CSMD1: variants seen among roughly 807,000 people sequenced by gnomAD.
CSMD1 encodes the protein CUB and sushi domain-containing protein 1.
A neutral mutation model predicts 417.5 loss-of-function variants in CSMD1; 213 were observed. The ratio of observed to expected loss-of-function variants is 0.51; its 90% CI spans 0.46 to 0.57. The LOEUF (loss-of-function observed/expected upper bound fraction) is 0.57, where lower values mean the gene tolerates loss of function less well. Among genes scored for constraint, CSMD1 ranks in the 20% least tolerant of loss-of-function variants. CSMD1 has a pLI of 0.00. For synonymous variants in CSMD1, 2,862 were observed against 1,736.8 expected (o/e 1.65, Z -16.11); for missense variants, 6,923 against 4,529.7 (o/e 1.53, Z -15.17).
chr8:4,417,713 T>C (rs1797022123), intron 3 of CSMD1, among the ~76,000 whole-genome samples: 1 of 152,002 alleles, frequency 6.6e-6, no homozygotes, highest in African/African-American at 2.4e-5. Context: ...AAATCTGAGG[T>C]ATCAGAAAGA....
intron 2 of CSMD1, among the ~76,000 whole-genome samples, chr8:4,631,524 T>G (rs999651954): frequency 7.2e-5 from 11 of 152,130 alleles, no homozygotes; most frequent in African/African-American, 2.7e-4. Context: ...GATCCTAATG[T>G]AATTGAGACC....
At chr8:3,676,215 G>C (rs563908701) in intron 7 of CSMD1, among the ~76,000 whole-genome samples, 7 of 152,064 alleles carry the variant, frequency 4.6e-5, no homozygotes, top group Admixed American at 3.3e-4. Context: ...ATTATGTGTT[G>C]AAGTAAATAC....
chr8:3,247,202 T>C (rs927171306), intron 26 of CSMD1, among the ~76,000 whole-genome samples: 6 of 152,150 alleles, frequency 3.9e-5, no homozygotes, highest in African/African-American at 1.4e-4. Flanking sequence ...TGATTTGATA[T>C]GTAAAAGTCC....
intron 10 of CSMD1, among the ~76,000 whole-genome samples, chr8:3,533,350 C>G (rs1798058263): frequency 6.6e-6 from 1 of 152,142 alleles, no homozygotes; most frequent in Non-Finnish European, 1.5e-5. Flanking sequence ...ACTTATTCAT[C>G]TTACATAAGA....
chr8:4,809,578 C>T (rs1011304975), intron 1 of CSMD1, among the ~76,000 whole-genome samples: 4 of 152,296 alleles, frequency 2.6e-5, no homozygotes, highest in South Asian at 2.1e-4. Flanking sequence ...GCTCTACTCC[C>T]TACAGCTAGA....
chr8:4,781,031 G>C (rs891216133), intron 1 of CSMD1, among the ~76,000 whole-genome samples: 1 of 152,116 alleles, frequency 6.6e-6, no homozygotes, highest in Non-Finnish European at 1.5e-5. Context: ...CCTGCAAATA[G>C]CTTTTCCTGC....
intron 5 of CSMD1, among the ~76,000 whole-genome samples, chr8:3,889,651 G>C (rs1415430010): frequency 2.0e-5 from 3 of 151,116 alleles, no homozygotes; most frequent in African/African-American, 2.4e-5. Flanking sequence ...GATACTGGAA[G>C]TTGGTCCTAT....
At chr8:3,277,078 C>T (rs1413159764) in intron 26 of CSMD1, among the ~76,000 whole-genome samples, 1 of 152,094 alleles carries the variant, frequency 6.6e-6, no homozygotes, top group Admixed American at 6.6e-5. Flanking sequence ...AAGGTCAGTC[C>T]AGTGTGTAAC....
intron 26 of CSMD1, among the ~76,000 whole-genome samples, chr8:3,274,878 G>C (rs1010469389): frequency 6.6e-6 from 1 of 152,074 alleles, no homozygotes; most frequent in East Asian, 1.9e-4. Flanking sequence ...TTGACTCTGT[G>C]TCCAGTTTGC....
At chr8:4,788,257 A>G (rs1180546246) in intron 1 of CSMD1, 8 of 1,585,940 alleles carry the variant, frequency 5.0e-6, no homozygotes, top group African/African-American at 2.7e-5. Flanking sequence ...AAAGCTGAGT[A>G]TGAAAGGGAT....
At chr8:3,394,331 G>C (rs193151552) in intron 17 of CSMD1, among the ~76,000 whole-genome samples, 1,775 of 149,604 alleles carry the variant, frequency 0.012, 16 homozygotes, top group Non-Finnish European at 0.019. Context: ...AAGCTAAATA[G>C]AAATTTATGA....
chr8:4,124,100 A>G (rs993914463), intron 3 of CSMD1, among the ~76,000 whole-genome samples: 1 of 152,214 alleles, frequency 6.6e-6, no homozygotes, highest in Non-Finnish European at 1.5e-5. Context: ...GAAAAAAAAG[A>G]GAAAGAAAAA....
intron 19 of CSMD1, among the ~76,000 whole-genome samples, chr8:3,368,401 A>G (rs1242108740): frequency 2.6e-5 from 4 of 152,170 alleles, no homozygotes; most frequent in African/African-American, 9.7e-5. Context: ...CAGTGGCGCA[A>G]TCTCAGCTCA....
At chr8:4,630,284 ACACACACACACACACACACACT>A (rs1186844084) in intron 2 of CSMD1, among the ~76,000 whole-genome samples, 1 of 50,122 alleles carries the variant, frequency 2.0e-5, no homozygotes, top group Non-Finnish European at 5.3e-5. Context: ...ACACACACAC[ACACACACACACACACACACACT>A]CTCACAGTTG....
intron 52 of CSMD1, among the ~76,000 whole-genome samples, chr8:3,018,232 A>G (rs1220035201): frequency 6.6e-6 from 1 of 152,224 alleles, no homozygotes; most frequent in African/African-American, 2.4e-5. Context: ...GTGCAGGTAC[A>G]TTCTCAGCAC....
intron 16 of CSMD1, 114 bp downstream of exon 16, chr8:3,399,277 C>T: frequency 1.1e-6 from 1 of 916,656 alleles, no homozygotes. Context: ...AAAGTGTGCT[C>T]CTATGCGGGA....
Position 3,037,150 on chromosome 8 carries a change from T to A in CSMD1, c.7661-7637A>T, listed in dbSNP as rs531358175. Among the ~76,000 whole-genome samples, 3 of 152,320 alleles carry A rather than the reference T, an allele frequency of 2.0e-5. No homozygotes were observed. In the South Asian group the frequency reaches 6.2e-4, roughly 32 times the overall value. On this transcript the variant is annotated intron_variant, in intron 50 of 69. Transcript: ENST00000635120. ...CCATCCAAGTCCCTGCACAAGACAT[T>A]ATTTCATTCCTTTTTATGGCTGAGC...
intron 8 of CSMD1, among the ~76,000 whole-genome samples, chr8:3,590,540 C>G (rs915004673): frequency 1.3e-5 from 2 of 152,132 alleles, no homozygotes; most frequent in African/African-American, 4.8e-5. Flanking sequence ...GAAATCTCTG[C>G]GCACATTCAT....
chr8:4,336,783 G>C (rs949669973), intron 3 of CSMD1, among the ~76,000 whole-genome samples: 1 of 152,106 alleles, frequency 6.6e-6, no homozygotes, highest in Non-Finnish European at 1.5e-5. Context: ...GGCCCAGAGG[G>C]AGATGCCGCC....
Sources: allele counts gnomAD v4.1 joint callset (sites outside exome capture counted in the v4.1 genomes callset), GRCh38; gene constraint gnomAD v4.1.1; transcripts MANE v1.5; gene names NCBI Gene and HGNC (gene_info 2026-07-23, HGNC 2026-07-21).